The following SLC45A4 variants were observed in gnomAD, a reference collection of about 807,000 sequenced individuals.
SLC45A4 encodes polyamine-transporter SLC45A4.
A neutral mutation model predicts 63.7 loss-of-function variants in SLC45A4; 32 were observed. That is an observed-to-expected ratio of 0.50 (90% CI 0.38 to 0.67). SLC45A4 has a LOEUF of 0.67. Ranked by LOEUF, SLC45A4 falls within the 30% of genes least tolerant of loss-of-function variation. The pLI is 0.00. For missense variants in SLC45A4, 1,027 were observed against 1,157.7 expected (o/e 0.89, Z 1.64); for synonymous variants, 535 against 510.0 (o/e 1.05, Z -0.66).
chr8:141,282,460 T>C (rs1829989400), intron 1 of SLC45A4, among the ~76,000 whole-genome samples: 1 of 152,204 alleles, frequency 6.6e-6, no homozygotes, highest in Non-Finnish European at 1.5e-5. Context: ...TCTGAGCCTC[T>C]GTCTCCATCG....
At position 141,256,645 on chromosome 8, in the gene SLC45A4, CCTA is replaced by C. The variant is rs768802080; in HGVS notation, c.-400-2019_-400-2017del. The C allele has an allele frequency of 1.8e-5, 8 of 456,220 alleles. 1 individual carries two copies. Among genetic ancestry groups the C allele is most frequent in the South Asian group, 1.2e-4 (8 of 64,570 alleles). The allele number at this position is 456,220 out of a possible 1,614,324, so 28.3% of individuals were successfully genotyped here. On this transcript the variant is annotated intron_variant, in intron 1 of 8. Transcript: ENST00000517878. This position sits in a 1 kb window ranked among gnomAD's most constrained non-coding sequence, Gnocchi z 4.3. ...TCACGCTGCAGCGGAAACCAGAATG[CCTA>C]CTAATTCCTTAAGAACCAAAGGTTC... is the stretch of plus-strand genomic sequence containing the variant.
At chr8:141,260,779 C>T (rs889926144) in intron 1 of SLC45A4, among the ~76,000 whole-genome samples, 3 of 152,128 alleles carry the variant, frequency 2.0e-5, no homozygotes, top group Admixed American at 6.6e-5. Context: ...GATTCACAAC[C>T]GAATTCTACC....
intron 1 of SLC45A4, among the ~76,000 whole-genome samples, chr8:141,270,399 C>T (rs1397798356): frequency 6.7e-6 from 1 of 149,038 alleles, no homozygotes; most frequent in Non-Finnish European, 1.5e-5. Flanking sequence ...AAAGGCTCGG[C>T]GCGGTAGCTA....
intron 2 of SLC45A4, among the ~76,000 whole-genome samples, chr8:141,234,138 T>C (rs1827501994): frequency 6.6e-6 from 1 of 152,244 alleles, no homozygotes; most frequent in Non-Finnish European, 1.5e-5. Flanking sequence ...GTGGGGACTG[T>C]TCTTCTCTAT....
chr8:141,259,569 C>T (rs922269145), intron 1 of SLC45A4, among the ~76,000 whole-genome samples: 1 of 152,214 alleles, frequency 6.6e-6, no homozygotes, highest in Non-Finnish European at 1.5e-5. Context: ...CTTGCCCTTC[C>T]CACCTTCAGC....
intron 1 of SLC45A4, among the ~76,000 whole-genome samples, chr8:141,295,856 C>G (rs968852945): frequency 6.6e-6 from 1 of 152,180 alleles, no homozygotes; most frequent in Non-Finnish European, 1.5e-5. Flanking sequence ...CAGGATGGTG[C>G]GGAGCTCATC....
At position 141,221,580 on chromosome 8, in the gene SLC45A4, T is replaced by C. The variant is rs1826636538; in HGVS notation, c.427A>G (p.Ile143Val). 8.7e-6 allele frequency: 14 copies of C among 1,611,940 alleles called. No homozygotes were observed. The highest frequency in any genetic ancestry group is 1.2e-5 in the Non-Finnish European group (14 of 1,179,452). Reference protein sequence around the residue: ...GVALFLNGSAIGLALGDVPNR... With the variant: ...GVALFLNGSAVGLALGDVPNR... ...CAGGTGTGGCCGAGAAACTTACCGA[T>C]GGCAGAGCCGTTAAGGAAAAGTGCA... The change falls in exon 3 of 9, where the codon ATC (isoleucine) becomes GTC (valine). Residue 143 changes from isoleucine (I) to valine (V), a missense_variant. Transcript: ENST00000517878.
At chr8:141,274,792 A>G (rs961493271) in intron 1 of SLC45A4, among the ~76,000 whole-genome samples, 2 of 152,158 alleles carry the variant, frequency 1.3e-5, no homozygotes, top group Non-Finnish European at 2.9e-5. Flanking sequence ...CACTAAAAAC[A>G]TGGGCTAAGG....
chr8:141,285,970 G>T (rs1482256056), intron 1 of SLC45A4, among the ~76,000 whole-genome samples: 1 of 152,246 alleles, frequency 6.6e-6, no homozygotes, highest in Non-Finnish European at 1.5e-5. Flanking sequence ...GCAGCGTGAA[G>T]GGGCCTGCGG....
chr8:141,218,022 CT>C lies in SLC45A4; in HGVS notation c.1617del (p.Gly540AlafsTer49). 1 of 1,604,218 alleles carries C rather than the reference CT, an allele frequency of 6.2e-7. No individual in the cohort carries two copies. The highest frequency in any genetic ancestry group is 8.5e-7 in the Non-Finnish European group (1 of 1,174,864). ...GGCCGAGCACTCACCTTGGGGTCGC[CT>C]TCGAAGATGACCTGGCCCATGAAGT... ...YTDFMGQVIF[E>X]GDPKAPSNST... On this transcript the variant is annotated frameshift_variant, in exon 5 of 9. Coordinates refer to ENST00000517878, the MANE Select transcript of SLC45A4 (RefSeq NM_001286646.2). LOFTEE classifies it high-confidence loss of function.
chr8:141,226,163 A>G (rs781632750), intron 2 of SLC45A4: 3 of 152,276 alleles, frequency 2.0e-5, no homozygotes, highest in Non-Finnish European at 4.4e-5. Flanking sequence ...CCGCGTTCCA[A>G]TCCTCAACAA....
chr8:141,243,074 G>A (rs536713366), intron 2 of SLC45A4, among the ~76,000 whole-genome samples: 15 of 152,274 alleles, frequency 9.9e-5, no homozygotes, highest in East Asian at 3.9e-4. Context: ...CTCCTGCTCC[G>A]GGGTCCCTCC....
rs890254669 is a variant in SLC45A4, at chr8:141,229,761, G to A, written c.242-7996C>T. On this transcript the variant is annotated intron_variant, in intron 2 of 8. Coordinates refer to ENST00000517878, the MANE Select transcript of SLC45A4 (RefSeq NM_001286646.2). The surrounding 1 kb of genome is among the most constrained non-coding windows in gnomAD (Gnocchi z 5.0). ...ACAGCCAAAGCCTGGCCAACAGCAGGGGCCACAAGGCCTCCAAGCAGAAAT... is the reference window on the plus strand; with the variant it reads ...ACAGCCAAAGCCTGGCCAACAGCAGAGGCCACAAGGCCTCCAAGCAGAAAT... Among the ~76,000 whole-genome samples the A allele has an allele frequency of 2.0e-5, 3 of 152,080 alleles. No homozygotes were observed. The highest frequency in any genetic ancestry group is 7.3e-5 in the African/African-American group (3 of 41,376).
intron 1 of SLC45A4, among the ~76,000 whole-genome samples, chr8:141,294,035 G>C (rs531181918): frequency 2.0e-5 from 3 of 152,298 alleles, no homozygotes; most frequent in African/African-American, 4.8e-5. Flanking sequence ...TGAGACATCT[G>C]GTTTGGGGAT....
At chr8:141,243,308 C>T (rs1164064382) in intron 2 of SLC45A4, among the ~76,000 whole-genome samples, 2 of 152,126 alleles carry the variant, frequency 1.3e-5, no homozygotes, top group Admixed American at 6.5e-5. Flanking sequence ...CCGCCAGGTG[C>T]CCCCCGCCGC....
chr8:141,217,725 A>G (rs762767318), intron 5 of SLC45A4, among the ~76,000 whole-genome samples: 67 of 152,332 alleles, frequency 4.4e-4, no homozygotes, highest in Non-Finnish European at 7.5e-4. Flanking sequence ...GTAGTCTGAC[A>G]CACAGTAACA....
chr8:141,290,356 A>AAC, intron 1 of SLC45A4, among the ~76,000 whole-genome samples: 1 of 151,922 alleles, frequency 6.6e-6, no homozygotes, highest in East Asian at 1.9e-4. Flanking sequence ...GGCTGGGCTC[A>AAC]GGGTTGAGAA....
intron 2 of SLC45A4, chr8:141,228,225 C>G: frequency 6.2e-7 from 1 of 1,614,110 alleles, no homozygotes; most frequent in Middle Eastern, 1.7e-4. Context: ...TCACAAGGGT[C>G]TTTGGACGGG....
intron 1 of SLC45A4, among the ~76,000 whole-genome samples, chr8:141,257,862 G>A (rs755092488): frequency 6.6e-6 from 1 of 152,170 alleles, no homozygotes; most frequent in African/African-American, 2.4e-5. Flanking sequence ...ACCAGAGGGA[G>A]ACACTCTGTT....
Sources: gnomAD v4.1 joint callset for allele counts (sites outside exome capture counted in the v4.1 genomes callset) on GRCh38, gnomAD v4.1.1 for gene constraint, Gnocchi (gnomAD v3.1) non-coding constraint, MANE v1.5 for transcripts, NCBI Gene and HGNC (gene_info 2026-07-23, HGNC 2026-07-21) for gene names.